FEZ2: variants seen among roughly 807,000 people sequenced by gnomAD.
FEZ2 encodes the protein fasciculation and elongation protein zeta 2.
A neutral mutation model predicts 40.4 loss-of-function variants in FEZ2; 51 were observed. The ratio of observed to expected loss-of-function variants is 1.26; its 90% CI spans 1.01 to 1.59. The LOEUF (loss-of-function observed/expected upper bound fraction) is 1.59, where lower values mean the gene tolerates loss of function less well. Ranked by LOEUF, FEZ2 falls within the 40% of genes most tolerant of loss-of-function variation. The probability of loss-of-function intolerance (pLI) is 0.00; values close to 1 mark genes in which losing one functional copy is unlikely to be tolerated. For synonymous variants in FEZ2, 242 were observed against 172.0 expected (o/e 1.41, Z -3.18); for missense variants, 640 against 438.3 (o/e 1.46, Z -4.11).
chr2:36,582,148 GAGA>G lies in FEZ2; in HGVS notation c.493-720_493-718del, dbSNP rs555913845. 2.6e-5 allele frequency among the ~76,000 whole-genome samples: 4 copies of G among 151,824 alleles called. No homozygotes were observed. The East Asian group carries it at 5.8e-4, about 22-fold the overall frequency. On this transcript the variant is annotated intron_variant, in intron 3 of 7. Coordinates refer to ENST00000405912, the MANE Select transcript of FEZ2 (RefSeq NM_005102.3). ...TGCCCTTTTCCAGATTCTAAAAGTT[GAGA>G]AGGATATAGAACTCAGCGAAAATGT...
chr2:36,561,419 G>A (rs910963879), intron 5 of FEZ2: 2 of 152,180 alleles, frequency 1.3e-5, no homozygotes, highest in Non-Finnish European at 2.9e-5. Context: ...CTAGAAGATG[G>A]CATACGCTTC....
chr2:36,567,854 G>A (rs568817462), intron 5 of FEZ2, among the ~76,000 whole-genome samples: 25 of 152,116 alleles, frequency 1.6e-4, no homozygotes, highest in Non-Finnish European at 2.5e-4. Flanking sequence ...AAGGAAAAGA[G>A]AGACCAGGGC....
At chr2:36,593,860 T>C (rs749411361) in intron 1 of FEZ2, among the ~76,000 whole-genome samples, 2 of 151,682 alleles carry the variant, frequency 1.3e-5, no homozygotes, top group Non-Finnish European at 2.9e-5. Flanking sequence ...TTTTTTTCTA[T>C]CGCATAGTCA....
intron 7 of FEZ2, 160 bp downstream of exon 7, chr2:36,555,523 G>C: frequency 2.2e-6 from 1 of 448,120 alleles, no homozygotes; most frequent in Non-Finnish European, 4.0e-6. Flanking sequence ...GATATATAAT[G>C]TTGGTAGAAG....
At chr2:36,568,243 C>G (rs951338263) in intron 5 of FEZ2, among the ~76,000 whole-genome samples, 1 of 152,024 alleles carries the variant, frequency 6.6e-6, no homozygotes, top group African/African-American at 2.4e-5. Context: ...GATAACATTT[C>G]TCAAGGTTAA....
intron 1 of FEZ2, among the ~76,000 whole-genome samples, chr2:36,592,723 G>A (rs1053352125): frequency 6.6e-6 from 1 of 152,070 alleles, no homozygotes; most frequent in African/African-American, 2.4e-5. Flanking sequence ...GGTAAGGCAG[G>A]AGGACTGCTT....
intron 6 of FEZ2, chr2:36,556,738 T>C (rs1381494433): frequency 1.3e-5 from 2 of 152,258 alleles, no homozygotes; most frequent in Admixed American, 6.5e-5. Flanking sequence ...GGTCATATCA[T>C]AGTGCCTGGC....
chr2:36,564,173 T>C (rs1668168972), intron 5 of FEZ2, among the ~76,000 whole-genome samples: 1 of 152,210 alleles, frequency 6.6e-6, no homozygotes, highest in Non-Finnish European at 1.5e-5. Context: ...TTACTGTAAT[T>C]TCCCTGAGCT....
intron 1 of FEZ2, among the ~76,000 whole-genome samples, chr2:36,594,769 T>C (rs1669165326): frequency 6.6e-6 from 1 of 152,188 alleles, no homozygotes; most frequent in African/African-American, 2.4e-5. Flanking sequence ...TTTGAGGAGT[T>C]TGCTTTGTCT....
intron 5 of FEZ2, among the ~76,000 whole-genome samples, chr2:36,570,911 T>C (rs952760004): frequency 4.6e-5 from 7 of 152,290 alleles, no homozygotes; most frequent in Non-Finnish European, 8.8e-5. Context: ...AAGAACACAA[T>C]TTCCTGGCAC....
chr2:36,569,883 A>G (rs2125227723), intron 5 of FEZ2, among the ~76,000 whole-genome samples: 1 of 152,320 alleles, frequency 6.6e-6, no homozygotes, highest in South Asian at 2.1e-4. Context: ...CTTTTCATCT[A>G]TTTCTGACTC....
At chr2:36,560,881 T>C in intron 5 of FEZ2, 1 of 1,555,400 alleles carries the variant, frequency 6.4e-7, no homozygotes, top group Non-Finnish European at 8.8e-7. Flanking sequence ...GGCGGCAATA[T>C]ACGGCCCAGA....
intron 5 of FEZ2, chr2:36,560,853 C>T (rs770730428): frequency 3.1e-6 from 5 of 1,609,676 alleles, no homozygotes; most frequent in Non-Finnish European, 4.2e-6. Flanking sequence ...GAGATCCCTT[C>T]CATGCTGAAG....
chr2:36,557,997 A>C (rs1439178144), intron 6 of FEZ2: 1 of 152,688 alleles, frequency 6.5e-6, no homozygotes, highest in Non-Finnish European at 1.5e-5. Context: ...CATCACTGTC[A>C]ATTTATGTTC....
At chr2:36,559,345 T>C (rs1668033044) in intron 5 of FEZ2, 1 of 152,234 alleles carries the variant, frequency 6.6e-6, no homozygotes, top group African/African-American at 2.4e-5. Context: ...GCATTTCACA[T>C]ATGCTCATAT....
intron 5 of FEZ2, among the ~76,000 whole-genome samples, chr2:36,577,261 CTT>C (rs869150145): frequency 9.1e-5 from 13 of 143,522 alleles, no homozygotes; most frequent in Admixed American, 1.4e-4. Context: ...AAGCAATGTC[CTT>C]TTTTTTTTTT....
Position 36,558,480 on chromosome 2 carries a change from T to C in FEZ2, c.937A>G (p.Asn313Asp). The change falls in exon 6 of 8, where the codon AAC (asparagine) becomes GAC (aspartate). Residue 313 changes from asparagine to aspartate, a missense_variant. Transcript: ENST00000405912. Reference protein sequence around the residue: ...LTTVIPYEKKNGPPSVEDLQI... With the variant: ...LTTVIPYEKKDGPPSVEDLQI... ...AGATCTTCAACAGACGGTGGTCCGT[T>C]TTTTTTCTCATAAGGAATGACTGTA... 4 of 1,528,898 alleles carry C rather than the reference T, an allele frequency of 2.6e-6. No individual in the cohort carries two copies. Among genetic ancestry groups the C allele is most frequent in the Non-Finnish European group, 3.5e-6 (4 of 1,134,618 alleles). 94.7% of individuals were successfully genotyped at this position (1,528,898 alleles called of 1,614,324 possible).
At chr2:36,565,887 C>A (rs1031209113) in intron 5 of FEZ2, among the ~76,000 whole-genome samples, 2 of 152,152 alleles carry the variant, frequency 1.3e-5, no homozygotes, top group East Asian at 3.9e-4. Flanking sequence ...TCCTTCCCCA[C>A]CCTGCCCAGT....
At chr2:36,575,923 C>A (rs1313630448) in intron 5 of FEZ2, among the ~76,000 whole-genome samples, 2 of 151,262 alleles carry the variant, frequency 1.3e-5, no homozygotes, top group African/African-American at 2.4e-5. Flanking sequence ...CTATACTTAA[C>A]GAAAAACTTC....
Sources: allele counts gnomAD v4.1 joint callset (sites outside exome capture counted in the v4.1 genomes callset), GRCh38; gene constraint gnomAD v4.1.1; transcripts MANE v1.5; gene names NCBI Gene and HGNC (gene_info 2026-07-23, HGNC 2026-07-21).